AUTS2: variants seen among roughly 807,000 people sequenced by gnomAD.
AUTS2 encodes the protein autism susceptibility gene 2 protein.
Under a neutral mutation model 112.4 loss-of-function variants are expected in AUTS2, and 17 were observed. That is an observed-to-expected ratio of 0.15 (90% CI 0.10 to 0.23). The LOEUF (loss-of-function observed/expected upper bound fraction) is 0.23. Among genes scored for constraint, AUTS2 ranks in the 10% least tolerant of loss-of-function variants. AUTS2 has a pLI of 1.00. For missense variants in AUTS2, 1,510 were observed against 1,701.6 expected, an observed-to-expected ratio of 0.89 and a Z score of 1.98; for synonymous variants, 751 against 702.7, an observed-to-expected ratio of 1.07 and a Z score of -1.09.
At chr7:70,164,322 T>G (rs1808270300) in intron 4 of AUTS2, among the ~76,000 whole-genome samples, 1 of 152,128 alleles carries the variant, frequency 6.6e-6, no homozygotes, top group African/African-American at 2.4e-5. Flanking sequence ...AGTACATACT[T>G]TATTCAAATT....
intron 5 of AUTS2, among the ~76,000 whole-genome samples, chr7:70,474,828 C>T (rs1297017990): frequency 4.6e-5 from 7 of 152,102 alleles, no homozygotes; most frequent in Non-Finnish European, 1.0e-4. Context: ...GGAAACAGAC[C>T]CTAAAGCACT....
intron 5 of AUTS2, among the ~76,000 whole-genome samples, chr7:70,633,274 A>T (rs1040713821): frequency 1.3e-5 from 2 of 152,142 alleles, no homozygotes; most frequent in Non-Finnish European, 2.9e-5. Flanking sequence ...TCACTCACCC[A>T]TCCATTTGCT....
chr7:70,510,334 A>C (rs1279717782), intron 5 of AUTS2, among the ~76,000 whole-genome samples: 1 of 152,212 alleles, frequency 6.6e-6, no homozygotes, highest in Admixed American at 6.5e-5. Flanking sequence ...TTAGATTTTC[A>C]TGGCCATTGA....
intron 3 of AUTS2, among the ~76,000 whole-genome samples, chr7:70,122,734 G>A (rs988135115): frequency 6.6e-6 from 1 of 152,040 alleles, no homozygotes; most frequent in Non-Finnish European, 1.5e-5. Flanking sequence ...AAAGAAAAAT[G>A]ACCCAAAACG....
At chr7:70,620,609 G>A (rs996897670) in intron 5 of AUTS2, among the ~76,000 whole-genome samples, 5 of 152,028 alleles carry the variant, frequency 3.3e-5, no homozygotes, top group African/African-American at 7.2e-5. Flanking sequence ...GACCCTTAGC[G>A]CCCTCAGGTC....
intron 5 of AUTS2, among the ~76,000 whole-genome samples, chr7:70,591,128 A>G (rs1802921996): frequency 6.6e-6 from 1 of 152,086 alleles, no homozygotes; most frequent in Non-Finnish European, 1.5e-5. Flanking sequence ...TCAGGAAGAG[A>G]GGCTGCTGAT....
chr7:70,762,819 C>A, intron 6 of AUTS2, 51 bp from the exon 7 acceptor site: 1 of 1,339,752 alleles, frequency 7.5e-7, no homozygotes, highest in Non-Finnish European at 1.1e-6. Flanking sequence ...CTCCTTATGC[C>A]ACACTCGCAT....
At chr7:70,727,185 C>T (rs971464300) in intron 6 of AUTS2, among the ~76,000 whole-genome samples, 1 of 152,178 alleles carries the variant, frequency 6.6e-6, no homozygotes, top group Non-Finnish European at 1.5e-5. Flanking sequence ...CGATTGTGAT[C>T]AGGTTAAACA....
chr7:70,332,383 C>A (rs534833214), intron 4 of AUTS2, among the ~76,000 whole-genome samples: 20 of 152,166 alleles, frequency 1.3e-4, no homozygotes, highest in Non-Finnish European at 2.5e-4. Context: ...AATGGCCATA[C>A]TGCCCAAAGT....
At chr7:70,087,590 C>T (rs188893836) in intron 2 of AUTS2, among the ~76,000 whole-genome samples, 1 of 152,046 alleles carries the variant, frequency 6.6e-6, no homozygotes, top group East Asian at 1.9e-4. Flanking sequence ...AGGATGCTCT[C>T]GATCTCCTGA....
At chr7:70,488,698 T>G (rs1029261306) in intron 5 of AUTS2, among the ~76,000 whole-genome samples, 1 of 152,182 alleles carries the variant, frequency 6.6e-6, no homozygotes, top group Non-Finnish European at 1.5e-5. Flanking sequence ...GGATTCCTCC[T>G]GCTCCCAAAC....
intron 4 of AUTS2, among the ~76,000 whole-genome samples, chr7:70,420,193 C>T (rs977284592): frequency 1.3e-5 from 2 of 152,196 alleles, no homozygotes; most frequent in African/African-American, 2.4e-5. Context: ...TCTTCACATT[C>T]TACTCAAGCC....
chr7:70,359,594 C>T (rs972063318), intron 4 of AUTS2, among the ~76,000 whole-genome samples: 14 of 152,068 alleles, frequency 9.2e-5, no homozygotes, highest in Admixed American at 1.3e-4. Flanking sequence ...TTATCTCAGC[C>T]GGCTCTTGAG....
intron 4 of AUTS2, among the ~76,000 whole-genome samples, chr7:70,147,164 G>A (rs1807170801): frequency 6.6e-6 from 1 of 151,562 alleles, no homozygotes; most frequent in Non-Finnish European, 1.5e-5. Flanking sequence ...CAGTGTTGGA[G>A]TGTGCTATAA....
chr7:70,140,740 A>G (rs1293464001), intron 4 of AUTS2, among the ~76,000 whole-genome samples: 2 of 152,228 alleles, frequency 1.3e-5, no homozygotes, highest in Non-Finnish European at 2.9e-5. Flanking sequence ...ATATATTGAC[A>G]AAAATCTATT....
chr7:70,018,605 C>T (rs1041572860), intron 2 of AUTS2, among the ~76,000 whole-genome samples: 1 of 152,206 alleles, frequency 6.6e-6, no homozygotes, highest in Non-Finnish European at 1.5e-5. Context: ...AACTATTTCA[C>T]AATCCGATTC....
chr7:69,721,341 CAGAG>C (rs547415902), intron 1 of AUTS2, among the ~76,000 whole-genome samples: 170 of 152,278 alleles, frequency 1.1e-3, no homozygotes, highest in African/African-American at 4.0e-3. Context: ...GCTCCCTTAT[CAGAG>C]AGACCTTTAG....
At chr7:69,831,417 C>G (rs555264626) in intron 1 of AUTS2, among the ~76,000 whole-genome samples, 1 of 151,990 alleles carries the variant, frequency 6.6e-6, no homozygotes, top group African/African-American at 2.4e-5. Flanking sequence ...AAATAAGCAA[C>G]AAAAAACAGT....
intron 2 of AUTS2, among the ~76,000 whole-genome samples, chr7:69,964,587 A>C (rs769083003): frequency 4.7e-4 from 71 of 152,008 alleles, no homozygotes; most frequent in Middle Eastern, 6.8e-3. Flanking sequence ...CCCAGGTAGA[A>C]TATCCATAAA....
Sources: allele counts gnomAD v4.1 joint callset (sites outside exome capture counted in the v4.1 genomes callset), GRCh38; gene constraint gnomAD v4.1.1; transcripts MANE v1.5; gene names NCBI Gene and HGNC (gene_info 2026-07-23, HGNC 2026-07-21).